CACNA1E: variants seen among roughly 807,000 people sequenced by gnomAD.
CACNA1E encodes the protein calcium voltage-gated channel subunit alpha1 E.
A neutral mutation model predicts 259.2 loss-of-function variants in CACNA1E; 40 were observed. The ratio of observed to expected loss-of-function variants is 0.15; its 90% CI spans 0.12 to 0.20. The LOEUF (loss-of-function observed/expected upper bound fraction) is 0.20, where lower values mean the gene tolerates loss of function less well. Among genes scored for constraint, CACNA1E ranks in the 10% least tolerant of loss-of-function variants. CACNA1E has a pLI of 1.00. For synonymous variants in CACNA1E, 1,104 were observed against 1,138.5 expected, an observed-to-expected ratio of 0.97 and a Z score of 0.61; for missense variants, 1,874 against 3,040.1, an observed-to-expected ratio of 0.62 and a Z score of 9.02.
chr1:181,432,085 T>C (rs976451561), intron 2 of CACNA1E, among the ~76,000 whole-genome samples: 18 of 152,280 alleles, frequency 1.2e-4, no homozygotes, highest in Admixed American at 1.1e-3. Context: ...GGAAGAACTT[T>C]CCCTACAGCC....
intron 1 of CACNA1E, among the ~76,000 whole-genome samples, chr1:181,353,901 CCT>C (rs2101894906): frequency 6.6e-6 from 1 of 152,254 alleles, no homozygotes; most frequent in African/African-American, 2.4e-5. Context: ...GAAGAGATTC[CCT>C]GTCTGTTAGA....
At chr1:181,437,744 C>T (rs763244632) in intron 2 of CACNA1E, among the ~76,000 whole-genome samples, 1 of 152,134 alleles carries the variant, frequency 6.6e-6, no homozygotes, top group Non-Finnish European at 1.5e-5. Context: ...TCTGCTATAC[C>T]CCTGATGTAG....
chr1:181,477,299 G>A (rs1662924444), intron 2 of CACNA1E, among the ~76,000 whole-genome samples: 1 of 152,020 alleles, frequency 6.6e-6, no homozygotes, highest in Admixed American at 6.6e-5. Context: ...CTGCTCTGTT[G>A]TCTCCCAGTA....
intron 1 of CACNA1E, among the ~76,000 whole-genome samples, chr1:181,491,400 T>G (rs889650757): frequency 1.3e-5 from 2 of 152,176 alleles, no homozygotes; most frequent in African/African-American, 4.8e-5. Flanking sequence ...AGGTCTGAAG[T>G]AGGGCTGGAG....
intron 3 of CACNA1E, among the ~76,000 whole-genome samples, chr1:181,542,327 C>T (rs1668644382): frequency 6.6e-6 from 1 of 152,056 alleles, no homozygotes; most frequent in Non-Finnish European, 1.5e-5. Flanking sequence ...ATAATTAAAG[C>T]AAAAAACTTT....
chr1:181,320,550 T>G (rs1402971479), intron 1 of CACNA1E, among the ~76,000 whole-genome samples: 1 of 152,236 alleles, frequency 6.6e-6, no homozygotes, highest in Non-Finnish European at 1.5e-5. Context: ...TATCCCCATT[T>G]TATAGATGAG....
chr1:181,546,548 TC>T (rs1369339674), intron 3 of CACNA1E, among the ~76,000 whole-genome samples: 1 of 152,154 alleles, frequency 6.6e-6, no homozygotes, highest in African/African-American at 2.4e-5. Flanking sequence ...CCTGTTGTCC[TC>T]TATGTTGAAA....
At chr1:181,563,227 AT>A (rs1649495574) in intron 3 of CACNA1E, among the ~76,000 whole-genome samples, 1 of 152,276 alleles carries the variant, frequency 6.6e-6, no homozygotes, top group South Asian at 2.1e-4. Context: ...AATACTTGTC[AT>A]CCTAGGAGGC....
chr1:181,344,969 C>T (rs1395389920), intron 1 of CACNA1E, among the ~76,000 whole-genome samples: 1 of 152,244 alleles, frequency 6.6e-6, no homozygotes, highest in Non-Finnish European at 1.5e-5. Flanking sequence ...AGGTATGATA[C>T]ATTGAATTTC....
chr1:181,650,335 A>T (rs1658643608), intron 6 of CACNA1E, among the ~76,000 whole-genome samples: 1 of 152,186 alleles, frequency 6.6e-6, no homozygotes, highest in Admixed American at 6.5e-5. Context: ...TTGTTTTTCC[A>T]GTGAAGTAGA....
intron 7 of CACNA1E, among the ~76,000 whole-genome samples, chr1:181,699,153 A>G (rs1651988044): frequency 6.6e-6 from 1 of 152,220 alleles, no homozygotes; most frequent in South Asian, 2.1e-4. Context: ...CAGAAGAAAG[A>G]ATATGTACTT....
At chr1:181,668,385 C>T (rs187043596) in intron 7 of CACNA1E, among the ~76,000 whole-genome samples, 2 of 152,282 alleles carry the variant, frequency 1.3e-5, no homozygotes, top group African/African-American at 2.4e-5. Context: ...TGTTTCCATG[C>T]ACTCCTTGGA....
At chr1:181,641,716 T>TGG (rs1553308071) in intron 6 of CACNA1E, among the ~76,000 whole-genome samples, 20 of 33,472 alleles carry the variant, frequency 6.0e-4, no homozygotes, top group Non-Finnish European at 2.2e-3. Context: ...TTTTTTTTTT[T>TGG]TTTTTTTTTT....
At chr1:181,408,808 C>T (rs771981239) in intron 1 of CACNA1E, among the ~76,000 whole-genome samples, 4 of 152,194 alleles carry the variant, frequency 2.6e-5, no homozygotes, top group Admixed American at 1.3e-4. Context: ...TTCATTAGCT[C>T]GTTCTTGGGC....
intron 1 of CACNA1E, among the ~76,000 whole-genome samples, chr1:181,500,070 G>A (rs1031228891): frequency 2.0e-5 from 3 of 152,354 alleles, no homozygotes; most frequent in African/African-American, 7.2e-5. Context: ...CTTCTGTGAT[G>A]AGGGGGATGG....
At chr1:181,735,849 G>A (rs1353552937) in intron 21 of CACNA1E, among the ~76,000 whole-genome samples, 1 of 152,100 alleles carries the variant, frequency 6.6e-6, no homozygotes, top group Non-Finnish European at 1.5e-5. Context: ...TTTCCCATCT[G>A]TATCATGGGA....
chr1:181,685,898 C>CT lies in CACNA1E; in HGVS notation c.1056-25055dup, dbSNP rs1558264831. 2.0e-5 allele frequency among the ~76,000 whole-genome samples: 3 copies of CT among 152,188 alleles called. No individual in the cohort carries two copies. In the East Asian group the frequency reaches 5.8e-4, roughly 29 times the overall value. ...TTTTTATCTCCTGCATCCTAGTTCT[C>CT]TAAGTTTTACTTCCTGAAAGCAATC... On this transcript the variant is annotated intron_variant, in intron 7 of 47. Transcript: ENST00000367573.
At chr1:181,627,793 A>C (rs201547736) in intron 6 of CACNA1E, among the ~76,000 whole-genome samples, 1 of 152,174 alleles carries the variant, frequency 6.6e-6, no homozygotes, top group African/African-American at 2.4e-5. Flanking sequence ...TAGAATTGTG[A>C]TACAATAATC....
At position 181,653,071 on chromosome 1, in the gene CACNA1E, C is replaced by T. The variant is rs146539305; in HGVS notation, c.1055+1630C>T. ...AGAGAAACAGGTTCCTACCTCATCACCTTTGGTGAGACTCACTGTATTAAT... is the reference window on the plus strand; with the variant it reads ...AGAGAAACAGGTTCCTACCTCATCATCTTTGGTGAGACTCACTGTATTAAT... On this transcript the variant is annotated intron_variant, in intron 7 of 47. Transcript: ENST00000367573. Among the ~76,000 whole-genome samples, 12 of 152,176 alleles carry T rather than the reference C, an allele frequency of 7.9e-5. No individual in the cohort carries two copies. In the East Asian group the frequency reaches 1.9e-3, roughly 25 times the overall value.
Sources: allele counts gnomAD v4.1 joint callset (sites outside exome capture counted in the v4.1 genomes callset), GRCh38; gene constraint gnomAD v4.1.1; transcripts MANE v1.5; gene names NCBI Gene and HGNC (gene_info 2026-07-23, HGNC 2026-07-21).